DLGAP2: variants seen among roughly 807,000 people sequenced by gnomAD.
DLGAP2 encodes the protein disks large-associated protein 2.
A neutral mutation model predicts 100.3 loss-of-function variants in DLGAP2; 26 were observed. The observed-to-expected ratio is 0.26, with a 90% CI of 0.19 to 0.36. DLGAP2 has a LOEUF of 0.36. Ranked by LOEUF, DLGAP2 falls within the 10% of genes least tolerant of loss-of-function variation. The pLI, the probability that DLGAP2 is intolerant of heterozygous loss-of-function variation, is 1.00. For synonymous variants in DLGAP2, 886 were observed against 630.1 expected (o/e 1.41, Z -6.08); for missense variants, 1,858 against 1,453.2 (o/e 1.28, Z -4.53).
At chr8:1,214,582 A>T (rs974574957) in intron 2 of DLGAP2, among the ~76,000 whole-genome samples, 1 of 152,154 alleles carries the variant, frequency 6.6e-6, no homozygotes, top group African/African-American at 2.4e-5. Flanking sequence ...CCTCCTCCTC[A>T]TTTATCCTGT....
intron 3 of DLGAP2, chr8:1,296,219 G>C (rs955689392): frequency 2.0e-5 from 3 of 152,078 alleles, no homozygotes; most frequent in African/African-American, 4.8e-5. Context: ...TGACCGAGAG[G>C]TTAGAAATCA....
At chr8:1,272,308 G>A (rs1585212028) in intron 3 of DLGAP2, among the ~76,000 whole-genome samples, 3 of 152,182 alleles carry the variant, frequency 2.0e-5, no homozygotes, top group African/African-American at 4.8e-5. Context: ...AATGCATAGC[G>A]GGTCCAGAGT....
intron 2 of DLGAP2, among the ~76,000 whole-genome samples, chr8:998,834 G>C (rs766884253): frequency 1.3e-5 from 2 of 152,248 alleles, no homozygotes; most frequent in South Asian, 4.2e-4. Context: ...TCTTTATACT[G>C]TGTATATTTT....
chr8:1,563,745 G>A (rs546223510), intron 5 of DLGAP2, among the ~76,000 whole-genome samples: 1 of 152,200 alleles, frequency 6.6e-6, no homozygotes, highest in Non-Finnish European at 1.5e-5. Context: ...CCGGAGCACT[G>A]GTGTGGCATG....
At chr8:1,578,419 G>A (rs1007684299) in intron 6 of DLGAP2, among the ~76,000 whole-genome samples, 1 of 152,182 alleles carries the variant, frequency 6.6e-6, no homozygotes, top group Non-Finnish European at 1.5e-5. Flanking sequence ...TGCGTTGACT[G>A]TGCCGTCCCG....
chr8:1,300,652 C>T (rs62483943), intron 3 of DLGAP2: 1 of 152,218 alleles, frequency 6.6e-6, no homozygotes, highest in Non-Finnish European at 1.5e-5. Flanking sequence ...AGGTTCACCT[C>T]CTTGACATCT....
intron 2 of DLGAP2, among the ~76,000 whole-genome samples, chr8:1,196,941 G>A (rs1031157595): frequency 4.6e-5 from 7 of 152,136 alleles, no homozygotes; most frequent in African/African-American, 1.4e-4. Flanking sequence ...TCCCACTATT[G>A]TCCATCCACA....
At chr8:1,022,735 T>C (rs1232824315) in intron 2 of DLGAP2, among the ~76,000 whole-genome samples, 6 of 121,240 alleles carry the variant, frequency 4.9e-5, no homozygotes, top group African/African-American at 1.6e-4. Context: ...CCGAGGTAGA[T>C]GCTCCAACCA....
intron 2 of DLGAP2, among the ~76,000 whole-genome samples, chr8:975,612 C>T (rs1287284190): frequency 6.6e-6 from 1 of 152,150 alleles, no homozygotes; most frequent in Non-Finnish European, 1.5e-5. Flanking sequence ...TGTAATCATT[C>T]ACAGGCTAAG....
chr8:1,490,986 G>A (rs929549432), intron 3 of DLGAP2, among the ~76,000 whole-genome samples: 21 of 144,738 alleles, frequency 1.5e-4, no homozygotes, highest in Non-Finnish European at 2.1e-4. Context: ...TAACAAACCT[G>A]CACATTGTGC....
At chr8:1,316,509 G>C (rs1283237940) in intron 3 of DLGAP2, among the ~76,000 whole-genome samples, 1 of 129,376 alleles carries the variant, frequency 7.7e-6, no homozygotes, top group Non-Finnish European at 1.7e-5. Context: ...TCCAACAGTG[G>C]TCTACACTCG....
chr8:1,511,562 G>T (rs921974467), intron 4 of DLGAP2, among the ~76,000 whole-genome samples: 3 of 150,708 alleles, frequency 2.0e-5, no homozygotes, highest in Admixed American at 6.6e-5. Context: ...GGACGTAAGT[G>T]CTGTCTAGTG....
intron 2 of DLGAP2, among the ~76,000 whole-genome samples, chr8:1,158,767 G>A (rs545561305): frequency 6.6e-6 from 1 of 152,348 alleles, no homozygotes; most frequent in South Asian, 2.1e-4. Flanking sequence ...CAGACCCCTT[G>A]AAGTCTCCTC....
intron 2 of DLGAP2, among the ~76,000 whole-genome samples, chr8:1,113,647 G>A (rs1029331767): frequency 6.6e-6 from 1 of 151,968 alleles, no homozygotes. Context: ...CTACAAACAG[G>A]GGTACTTTGA....
intron 2 of DLGAP2, among the ~76,000 whole-genome samples, chr8:953,241 C>G (rs1335696349): frequency 6.6e-6 from 1 of 152,102 alleles, no homozygotes; most frequent in African/African-American, 2.4e-5. Flanking sequence ...ATTGCCCAGG[C>G]TGGAGTGCAG....
At chr8:1,446,331 C>A (rs1191130573) in intron 3 of DLGAP2, among the ~76,000 whole-genome samples, 1 of 152,006 alleles carries the variant, frequency 6.6e-6, no homozygotes, top group Non-Finnish European at 1.5e-5. Context: ...TTTCCCAGCA[C>A]CATTTATTAA....
In DLGAP2 at chr8:1,371,401, G is replaced by T. The variant is rs570989631; in HGVS notation, c.106+112518G>T. 2.0e-5 allele frequency among the ~76,000 whole-genome samples: 3 copies of T among 152,330 alleles called. No individual in the cohort carries two copies. The East Asian group carries it at 5.8e-4, about 29-fold the overall frequency. ...GCAGTTGTCCGCTTGGCAGAAGTCA[G>T]GCGTGGTTCCTGGACTCCAGGCATG... On this transcript the variant is annotated intron_variant, in intron 3 of 14. Transcript: ENST00000637795.
In DLGAP2 at chr8:1,675,132, G is replaced by A. The variant is rs567434129; in HGVS notation, c.2203-1401G>A. 1.1e-4 allele frequency among the ~76,000 whole-genome samples: 17 copies of A among 152,320 alleles called. No homozygotes were observed. The East Asian group carries it at 2.9e-3, about 26-fold the overall frequency. On this transcript the variant is annotated intron_variant, in intron 10 of 14. Coordinates refer to ENST00000637795, the MANE Select transcript of DLGAP2 (RefSeq NM_001346810.2). ...TTCTGCAAACACGCATCCCAGTCTC[G>A]GGACCGCTTCTGCGCCTGTCTTCAG...
intron 2 of DLGAP2, among the ~76,000 whole-genome samples, chr8:964,538 A>C (rs1799800659): frequency 6.6e-6 from 1 of 152,234 alleles, no homozygotes; most frequent in Non-Finnish European, 1.5e-5. Context: ...TTGAAACGTA[A>C]ACAGAGTCCT....
Sources: allele counts gnomAD v4.1 joint callset (sites outside exome capture counted in the v4.1 genomes callset), GRCh38; gene constraint gnomAD v4.1.1; transcripts MANE v1.5; gene names NCBI Gene and HGNC (gene_info 2026-07-23, HGNC 2026-07-21).